Variants in EBF3 observed in about 807,000 individuals in gnomAD.
The protein encoded by EBF3 is transcription factor COE3.
EBF3 carries 18 observed loss-of-function variants against 77.1 expected under a neutral mutation model. That is an observed-to-expected ratio of 0.23 (90% CI 0.16 to 0.35). The LOEUF (loss-of-function observed/expected upper bound fraction) is 0.35, where lower values mean the gene tolerates loss of function less well. Among genes scored for constraint, EBF3 ranks in the 10% least tolerant of loss-of-function variants. The pLI is 1.00. For missense variants in EBF3, 558 were observed against 860.0 expected, an observed-to-expected ratio of 0.65 and a Z score of 4.39; for synonymous variants, 350 against 343.5, an observed-to-expected ratio of 1.02 and a Z score of -0.21.
intron 6 of EBF3, among the ~76,000 whole-genome samples, chr10:129,891,500 T>G (rs1239499568): frequency 6.6e-6 from 1 of 152,248 alleles, no homozygotes; most frequent in Non-Finnish European, 1.5e-5. Flanking sequence ...AAAGACATTT[T>G]TTATTCTTTG....
Position 129,963,284 on chromosome 10 carries a change from G to T in EBF3, c.291+83C>A. 2.0e-6 allele frequency: 3 copies of T among 1,533,908 alleles called. No homozygotes were observed. Among genetic ancestry groups the T allele is most frequent in the African/African-American group, 1.4e-5 (1 of 69,894 alleles). On this transcript the variant is annotated intron_variant, in intron 2 of 16. Transcript: ENST00000440978. The surrounding 1 kb of genome is among the most constrained non-coding windows in gnomAD (Gnocchi z 7.1). ...GCGGAGCCGAGCCCGCCGCCTAGGG[G>T]GGCACTCGAACCCCCGCGCACCGGC...
At chr10:129,962,562 G>A (rs897974470) in intron 3 of EBF3, among the ~76,000 whole-genome samples, 8 of 151,776 alleles carry the variant, frequency 5.3e-5, no homozygotes, top group Admixed American at 5.2e-4. Flanking sequence ...TGAGTGAGAG[G>A]CTGAACTCTT....
intron 3 of EBF3, among the ~76,000 whole-genome samples, chr10:129,962,496 G>A (rs577709135): frequency 6.6e-6 from 1 of 152,070 alleles, no homozygotes; most frequent in East Asian, 1.9e-4. Flanking sequence ...GTAGCTGTGT[G>A]CGGTGGGCCC....
At chr10:129,904,715 G>A (rs1855017548) in intron 6 of EBF3, among the ~76,000 whole-genome samples, 1 of 147,286 alleles carries the variant, frequency 6.8e-6, no homozygotes, top group Admixed American at 7.1e-5. Context: ...ACAGACATAA[G>A]ATTTATATAG....
intron 7 of EBF3, among the ~76,000 whole-genome samples, chr10:129,876,828 C>T (rs957020423): frequency 1.4e-5 from 2 of 144,928 alleles, no homozygotes; most frequent in African/African-American, 5.1e-5. Flanking sequence ...ACAAAAAAGG[C>T]AAGAAAAATA....
chr10:129,850,114 G>A (rs763944289), intron 10 of EBF3, among the ~76,000 whole-genome samples: 16 of 152,230 alleles, frequency 1.1e-4, no homozygotes, highest in Non-Finnish European at 1.6e-4. Flanking sequence ...TTCCTGAACA[G>A]GGAACAAAAA....
At chr10:129,959,083 G>A in intron 4 of EBF3, 76 bp from the exon 5 acceptor site, 3 of 1,557,872 alleles carry the variant, frequency 1.9e-6, no homozygotes, top group East Asian at 2.4e-5. Flanking sequence ...GGGCGCTGCA[G>A]GCCTGGCTGG....
At chr10:129,895,107 G>T (rs1301196623) in intron 6 of EBF3, among the ~76,000 whole-genome samples, 1 of 152,224 alleles carries the variant, frequency 6.6e-6, no homozygotes, top group Non-Finnish European at 1.5e-5. Flanking sequence ...TTCCTCATGG[G>T]CCACTGGGCG....
intron 6 of EBF3, among the ~76,000 whole-genome samples, chr10:129,881,358 C>T (rs1206749407): frequency 2.0e-5 from 3 of 152,162 alleles, no homozygotes; most frequent in Non-Finnish European, 4.4e-5. Flanking sequence ...GTCTTTATTT[C>T]CCTAAAGAGT....
intron 6 of EBF3, among the ~76,000 whole-genome samples, chr10:129,917,750 A>T (rs916331609): frequency 6.6e-6 from 1 of 152,038 alleles, no homozygotes; most frequent in Non-Finnish European, 1.5e-5. Context: ...GTAAAGCAAA[A>T]GTATCAGGCT....
chr10:129,840,777 T>C, intron 14 of EBF3, 67 bp downstream of exon 14: 2 of 1,549,410 alleles, frequency 1.3e-6, no homozygotes, highest in Admixed American at 3.6e-5. Flanking sequence ...ATCCAAGCAA[T>C]GCACACACTC....
In EBF3 at chr10:129,848,978, G is replaced by A. The variant is rs1850663069; in HGVS notation, c.1040-498C>T. Among the ~76,000 whole-genome samples, 1 of 152,228 alleles carries A rather than the reference G, an allele frequency of 6.6e-6. No homozygotes were observed. The highest frequency in any genetic ancestry group is 1.5e-5 in the Non-Finnish European group (1 of 68,046). On this transcript the variant is annotated intron_variant, in intron 10 of 16. Transcript: ENST00000440978. This position sits in a 1 kb window ranked among gnomAD's most constrained non-coding sequence, Gnocchi z 4.4. Reference sequence around the variant, plus strand: ...TATTCTTGCAAAGCTTTAATAATCTGTGAATGGCTGCCTACAAACTGATGT... The same window carrying A: ...TATTCTTGCAAAGCTTTAATAATCTATGAATGGCTGCCTACAAACTGATGT...
At chr10:129,903,458 A>T (rs1467130692) in intron 6 of EBF3, among the ~76,000 whole-genome samples, 1 of 152,228 alleles carries the variant, frequency 6.6e-6, no homozygotes, top group Non-Finnish European at 1.5e-5. Context: ...TCAGTGCTAA[A>T]TTTATGAAGA....
At chr10:129,893,105 A>G (rs1854135819) in intron 6 of EBF3, among the ~76,000 whole-genome samples, 1 of 152,222 alleles carries the variant, frequency 6.6e-6, no homozygotes, top group Non-Finnish European at 1.5e-5. Flanking sequence ...TTCACTCCTG[A>G]AATGTACCAA....
intron 10 of EBF3, among the ~76,000 whole-genome samples, chr10:129,850,665 T>G (rs890399792): frequency 6.6e-6 from 1 of 152,190 alleles, no homozygotes; most frequent in African/African-American, 2.4e-5. Context: ...TAGAAAAAAC[T>G]GCCCCTCTCT....
chr10:129,944,760 C>T lies in EBF3; in HGVS notation c.554+12498G>A, dbSNP rs984058966. Among the ~76,000 whole-genome samples the T allele has an allele frequency of 6.6e-6, 1 of 152,018 alleles. No individual in the cohort carries two copies. The highest frequency in any genetic ancestry group is 1.5e-5 in the Non-Finnish European group (1 of 68,012). ...TAAAAATTCAATAGCTTTTCTTCTG[C>T]AATTCACATTTTACCTGGTGAAATA... On this transcript the variant is annotated intron_variant, in intron 6 of 16. Coordinates refer to ENST00000440978, the MANE Select transcript of EBF3 (RefSeq NM_001375380.1). This position sits in a 1 kb window ranked among gnomAD's most constrained non-coding sequence, Gnocchi z 5.1.
intron 10 of EBF3, among the ~76,000 whole-genome samples, chr10:129,862,184 A>G (rs185507744): frequency 6.6e-6 from 1 of 152,318 alleles, no homozygotes; most frequent in Non-Finnish European, 1.5e-5. Context: ...GTAAACCATA[A>G]ATACTGTATC....
intron 11 of EBF3, among the ~76,000 whole-genome samples, chr10:129,844,684 C>T (rs930994058): frequency 2.0e-5 from 3 of 152,004 alleles, no homozygotes; most frequent in Non-Finnish European, 2.9e-5. Context: ...AGAAAGTTCC[C>T]GGATGGGTGG....
intron 6 of EBF3, among the ~76,000 whole-genome samples, chr10:129,922,120 C>T (rs1038773586): frequency 2.0e-5 from 3 of 152,198 alleles, no homozygotes; most frequent in Non-Finnish European, 2.9e-5. Flanking sequence ...AGCCCTGCCT[C>T]GAATTCCCCT....
Sources: gnomAD v4.1 joint callset for allele counts (sites outside exome capture counted in the v4.1 genomes callset) on GRCh38, gnomAD v4.1.1 for gene constraint, Gnocchi (gnomAD v3.1) non-coding constraint, MANE v1.5 for transcripts, NCBI Gene and HGNC (gene_info 2026-07-23, HGNC 2026-07-21) for gene names.